The following PNKD variants were observed in gnomAD, a reference collection of about 807,000 sequenced individuals.
PNKD encodes the protein probable thioesterase PNKD.
In PNKD, 36 loss-of-function variants were observed where a neutral mutation model predicts 45.3. The observed-to-expected ratio is 0.80, with a 90% CI of 0.61 to 1.05. The LOEUF (loss-of-function observed/expected upper bound fraction) is 1.05, where lower values mean the gene tolerates loss of function less well. Ranked by LOEUF, PNKD falls within the 50% of genes least tolerant of loss-of-function variation. PNKD has a pLI of 0.00. For synonymous variants in PNKD, 197 were observed against 210.1 expected (o/e 0.94, Z 0.54); for missense variants, 511 against 506.6 (o/e 1.01, Z -0.08).
chr2:218,341,188 G>A (rs993834901), intron 5 of PNKD, among the ~76,000 whole-genome samples: 1 of 152,348 alleles, frequency 6.6e-6, no homozygotes, highest in East Asian at 1.9e-4. Flanking sequence ...AACATAGTGA[G>A]ACCTTGTCTT....
At chr2:218,292,790 T>A (rs779398258) in intron 2 of PNKD, among the ~76,000 whole-genome samples, 2 of 152,244 alleles carry the variant, frequency 1.3e-5, no homozygotes, top group Non-Finnish European at 2.9e-5. Context: ...GGGGGAAGCG[T>A]TCGCTTTGGG....
intron 2 of PNKD, among the ~76,000 whole-genome samples, chr2:218,315,762 A>C (rs758581862): frequency 2.0e-5 from 3 of 152,236 alleles, no homozygotes; most frequent in Non-Finnish European, 2.9e-5. Flanking sequence ...GCACGAGTCT[A>C]AATTGCTCTT....
At chr2:218,280,140 A>G (rs375257547) in intron 2 of PNKD, 1 of 1,595,060 alleles carries the variant, frequency 6.3e-7, no homozygotes, top group African/African-American at 1.3e-5. Context: ...GGGACAGATG[A>G]CACTTGACTC....
intron 2 of PNKD, among the ~76,000 whole-genome samples, chr2:218,282,824 C>A (rs1692163308): frequency 2.0e-5 from 3 of 152,182 alleles, no homozygotes; most frequent in African/African-American, 4.8e-5. Context: ...GTGGGTGGTA[C>A]AGGGGCTGGG....
rs561275968 is a variant in PNKD, at chr2:218,294,912, C to A, written c.236+23363C>A. Among the ~76,000 whole-genome samples, 7 of 152,256 alleles carry A rather than the reference C, an allele frequency of 4.6e-5. No homozygotes were observed. The South Asian group carries it at 1.5e-3, about 32-fold the overall frequency. Reference sequence around the variant, plus strand: ...TTTCAACAAATGAATGGAGTGGGGACAACAACATTCCCACCATAGCAGGCC... The same window carrying A: ...TTTCAACAAATGAATGGAGTGGGGAAAACAACATTCCCACCATAGCAGGCC... On this transcript the variant is annotated intron_variant, in intron 2 of 9. Transcript: ENST00000273077.
At chr2:218,292,531 G>C (rs988994226) in intron 2 of PNKD, 11 of 152,096 alleles carry the variant, frequency 7.2e-5, no homozygotes, top group Admixed American at 3.9e-4. Flanking sequence ...GCCGGGCAGG[G>C]CTAGGCTCGG....
chr2:218,281,136 T>TTTTGTTTTGTTTTGG (rs1222593105), intron 2 of PNKD: 2 of 125,500 alleles, frequency 1.6e-5, no homozygotes, highest in African/African-American at 5.8e-5. Flanking sequence ...TTTGTTTTTT[T>TTTTGTTTTGTTTTGG]TTTGGTTTTT....
At chr2:218,275,253 C>T in intron 2 of PNKD, 1 of 488,308 alleles carries the variant, frequency 2.0e-6, no homozygotes, top group South Asian at 4.1e-5. Flanking sequence ...TAGTCCCTGC[C>T]AAGCCCACCA....
intron 2 of PNKD, among the ~76,000 whole-genome samples, chr2:218,321,343 A>C (rs1198399704): frequency 6.6e-6 from 1 of 152,166 alleles, no homozygotes; most frequent in Admixed American, 6.5e-5. Flanking sequence ...AAATTGGCTT[A>C]TCAGTTTTCT....
At chr2:218,313,305 T>C (rs1689426238) in intron 2 of PNKD, among the ~76,000 whole-genome samples, 2 of 152,140 alleles carry the variant, frequency 1.3e-5, no homozygotes, top group African/African-American at 4.8e-5. Context: ...GAGATCTGGT[T>C]TCACCATATT....
intron 2 of PNKD, among the ~76,000 whole-genome samples, chr2:218,334,258 C>T (rs767120026): frequency 2.0e-5 from 3 of 152,084 alleles, no homozygotes; most frequent in Non-Finnish European, 4.4e-5. Flanking sequence ...AAGAAATTAA[C>T]ATCAATACTA....
intron 2 of PNKD, among the ~76,000 whole-genome samples, chr2:218,293,310 GT>G (rs1693043063): frequency 6.6e-6 from 1 of 152,224 alleles, no homozygotes; most frequent in African/African-American, 2.4e-5. Context: ...CCTGGGCATG[GT>G]GACTCACACC....
rs563797803 is a variant in PNKD at position 218,326,307 on chromosome 2, G to A, written c.237-13476G>A. Among the ~76,000 whole-genome samples, 33 of 152,266 alleles carry A rather than the reference G, an allele frequency of 2.2e-4. No homozygotes were observed. The highest frequency in any genetic ancestry group is 7.7e-4 in the African/African-American group (32 of 41,538). On this transcript the variant is annotated intron_variant, in intron 2 of 9. Transcript: ENST00000273077. This position sits in a 1 kb window ranked among gnomAD's most constrained non-coding sequence, Gnocchi z 4.1. ...TTAACCATAACTACAATTGTCTTAG[G>A]ATGAGGATAGCTGAGCACAGTGGCC...
chr2:218,307,189 G>A lies in PNKD; in HGVS notation c.237-32594G>A, dbSNP rs554309331. Among the ~76,000 whole-genome samples, 86 of 152,220 alleles carry A rather than the reference G, an allele frequency of 5.6e-4. No homozygotes were observed. The Middle Eastern group carries it at 0.01, about 18-fold the overall frequency. ...GTGGCAGCAGTCCCCAGCATTTTTG[G>A]CACCAGGGACCAGTTTCATGGAAGG... is the stretch of plus-strand genomic sequence containing the variant. On this transcript the variant is annotated intron_variant, in intron 2 of 9. Transcript: ENST00000273077.
chr2:218,297,738 G>A (rs546986320), intron 2 of PNKD, among the ~76,000 whole-genome samples: 12 of 145,132 alleles, frequency 8.3e-5, no homozygotes, highest in Admixed American at 6.3e-4. Flanking sequence ...AGTGGCTCAC[G>A]CTTGTAATCC....
chr2:218,319,712 G>C (rs1693934542), intron 2 of PNKD, among the ~76,000 whole-genome samples: 1 of 152,180 alleles, frequency 6.6e-6, no homozygotes, highest in African/African-American at 2.4e-5. Context: ...AGCATACCTG[G>C]CCTCTACCCA....
intron 2 of PNKD, among the ~76,000 whole-genome samples, chr2:218,307,703 G>A (rs1042650498): frequency 6.6e-6 from 1 of 152,164 alleles, no homozygotes; most frequent in African/African-American, 2.4e-5. Flanking sequence ...GGCATCCAAG[G>A]GAGGCTCTTG....
chr2:218,284,562 T>C (rs11687568), intron 2 of PNKD, among the ~76,000 whole-genome samples: 148,907 of 152,366 alleles, frequency 0.98, 72,832 homozygotes, highest in East Asian at 1. Flanking sequence ...CTCCTGCCTC[T>C]CTTGCCCCTC....
At chr2:218,312,575 A>AG (rs774823283) in intron 2 of PNKD, among the ~76,000 whole-genome samples, 9 of 151,394 alleles carry the variant, frequency 5.9e-5, no homozygotes, top group Admixed American at 2.0e-4. Flanking sequence ...TAAAAAAAAA[A>AG]AAAAAAGAAA....
Sources: allele counts gnomAD v4.1 joint callset (sites outside exome capture counted in the v4.1 genomes callset), GRCh38; gene constraint gnomAD v4.1.1; non-coding constraint Gnocchi (gnomAD v3.1); transcripts MANE v1.5; gene names NCBI Gene and HGNC (gene_info 2026-07-23, HGNC 2026-07-21).